The following INSIG1 variants were observed in gnomAD, a reference collection of about 807,000 sequenced individuals.
INSIG1 encodes the protein insulin-induced gene 1 protein.
Under a neutral mutation model 26.5 loss-of-function variants are expected in INSIG1, and 14 were observed. That is an observed-to-expected ratio of 0.53 (90% CI 0.35 to 0.83). The LOEUF is 0.83. Among genes scored for constraint, INSIG1 ranks in the 40% least tolerant of loss-of-function variants. The pLI is 0.01. For synonymous variants in INSIG1, 147 were observed against 153.3 expected, an observed-to-expected ratio of 0.96 and a Z score of 0.30; for missense variants, 272 against 368.9, an observed-to-expected ratio of 0.74 and a Z score of 2.15.
In INSIG1 at chr7:155,308,738, T is replaced by TAA. The variant is rs11323287; in HGVS notation, c.*478_*479dup. 3.7e-4 allele frequency: 55 copies of TAA among 150,224 alleles called. No homozygotes were observed. Among genetic ancestry groups the TAA allele is most frequent in the South Asian group, 1.4e-3 (7 of 4,980 alleles). The allele number at this position is 150,224 out of a possible 1,614,324, so 9.3% of individuals were successfully genotyped here. On this transcript the variant is annotated 3_prime_UTR_variant, in exon 6 of 6. Coordinates refer to ENST00000340368, the MANE Select transcript of INSIG1 (RefSeq NM_005542.6). ...AGATTTTTAAAAATAGGGCTGTGTTTAAAAAAAAAAACAAAACAAGAAAAG... is the reference window on the plus strand; with the variant it reads ...AGATTTTTAAAAATAGGGCTGTGTTTAAAAAAAAAAAAACAAAACAAGAAAAG...
chr7:155,298,056 T>C (rs1378935643), intron 1 of INSIG1, 97 bp downstream of exon 1: 4 of 395,010 alleles, frequency 1.0e-5, no homozygotes, highest in Non-Finnish European at 1.3e-5. Flanking sequence ...TGTTGGGTCT[T>C]TGGGACGCGG....
chr7:155,302,299 C>A lies in INSIG1; in HGVS notation c.586C>A (p.Leu196Ile). The A allele has an allele frequency of 3.1e-6, 5 of 1,604,220 alleles. No homozygotes were observed. Among genetic ancestry groups the A allele is most frequent in the Non-Finnish European group, 4.3e-6 (5 of 1,175,894 alleles). ...NVQLSLTLAALSLGLWWTFDR... is the reference protein window; with the variant it reads ...NVQLSLTLAAISLGLWWTFDR... ...CCAGCTGTCCTTGACTTTAGCAGCCCTATCTTTGGGCCTTTGGTGGACATT... is the reference window on the plus strand; with the variant it reads ...CCAGCTGTCCTTGACTTTAGCAGCCATATCTTTGGGCCTTTGGTGGACATT... The change falls in exon 4 of 6, where the codon CTA (leucine) becomes ATA (isoleucine). Residue 196 changes from leucine (L) to isoleucine (I), a missense_variant. Around this residue, in one of 2 missense-constraint regions of INSIG1, gnomAD observed 111 missense variants for 189.8 expected, o/e 0.58. Coordinates refer to ENST00000340368, the MANE Select transcript of INSIG1 (RefSeq NM_005542.6). The surrounding 1 kb of genome is among the most constrained non-coding windows in gnomAD (Gnocchi z 4.3).
chr7:155,309,287 A>G lies in INSIG1; in HGVS notation c.*1017A>G, dbSNP rs1425691926. The G allele has an allele frequency of 6.6e-6, 1 of 152,604 alleles. No homozygotes were observed. The highest frequency in any genetic ancestry group is 2.4e-5 in the African/African-American group (1 of 41,406). The allele number at this position is 152,604 out of a possible 1,614,324, so 9.5% of individuals were successfully genotyped here. A position where few individuals can be genotyped will look rare whatever the true frequency, so the allele number is the denominator to read the frequency against. On this transcript the variant is annotated 3_prime_UTR_variant, in exon 6 of 6. Coordinates refer to ENST00000340368, the MANE Select transcript of INSIG1 (RefSeq NM_005542.6). ...ACCTAATTTGCAAGTATTGGGTCTT[A>G]AACTTCAAGTGCAATGTATATGAAA...
rs550488561 is a variant in INSIG1, at chr7:155,308,553, T to C, written c.*283T>C. ...AGGCAGGTGGCAGCTTCCCAAGTAT[T>C]CGATTTCATTCATGTGATTAAAACA... On this transcript the variant is annotated 3_prime_UTR_variant, in exon 6 of 6. Transcript: ENST00000340368. The C allele has an allele frequency of 2.3e-6, 1 of 439,894 alleles. No individual in the cohort carries two copies. The highest frequency in any genetic ancestry group is 3.4e-5 in the East Asian group (1 of 29,182). 27.2% of individuals were successfully genotyped at this position (439,894 alleles called of 1,614,324 possible).
At chr7:155,306,811 C>T (rs1339672007) in intron 5 of INSIG1, among the ~76,000 whole-genome samples, 7 of 144,344 alleles carry the variant, frequency 4.8e-5, no homozygotes, top group Admixed American at 2.0e-4. Flanking sequence ...ACACATAGCT[C>T]GCACCTGCCT....
At chr7:155,307,429 T>A (rs534516651) in intron 5 of INSIG1, among the ~76,000 whole-genome samples, 12 of 152,264 alleles carry the variant, frequency 7.9e-5, no homozygotes, top group African/African-American at 2.4e-4. Context: ...GGGAAAAAAA[T>A]TCTGTATGGA....
At chr7:155,304,154 T>G (rs950738531) in intron 5 of INSIG1, among the ~76,000 whole-genome samples, 5 of 152,102 alleles carry the variant, frequency 3.3e-5, no homozygotes, top group Admixed American at 6.5e-5. Context: ...TGTGGAGATG[T>G]TATCTCCCTG....
chr7:155,301,469 G>T, intron 2 of INSIG1, 97 bp from the exon 3 acceptor site: 1 of 1,101,758 alleles, frequency 9.1e-7, no homozygotes, highest in South Asian at 2.6e-5. Context: ...CTAGGAAAAG[G>T]ACTGGTTTGA....
In INSIG1 at chr7:155,298,656, C is replaced by T. The variant is rs1797700610; in HGVS notation, c.371C>T (p.Ser124Phe). The T allele has an allele frequency of 1.2e-6, 2 of 1,612,810 alleles. No individual in the cohort carries two copies. Among genetic ancestry groups the T allele is most frequent in the African/African-American group, 1.3e-5 (1 of 74,952 alleles). ...FPEEVIATIF[S>F]SAWWVPPCCG... ...GAGGAGGTGATCGCCACCATCTTTT[C>T]CTCCGCCTGGTGGGTCCCTCCCTGC... The change falls in exon 2 of 6, where the codon TCC becomes TTC. Residue 124 changes from serine (S) to phenylalanine (F), a missense_variant. Physicochemically the swap from Ser to Phe is radical, Grantham distance 155. Around this residue, in one of 2 missense-constraint regions of INSIG1, gnomAD observed 161 missense variants for 179.2 expected, o/e 0.90. Coordinates refer to ENST00000340368, the MANE Select transcript of INSIG1 (RefSeq NM_005542.6).
intron 2 of INSIG1, among the ~76,000 whole-genome samples, chr7:155,300,713 A>G (rs1797760372): frequency 6.6e-6 from 1 of 152,206 alleles, no homozygotes; most frequent in Non-Finnish European, 1.5e-5. Context: ...GTCTATAAAG[A>G]ATAACTATTC....
rs150728476 is a variant in INSIG1 at position 155,301,756 on chromosome 7, T to G, written c.537+66T>G. 6.1e-4 allele frequency: 852 copies of G among 1,394,776 alleles called. 5 individuals are homozygous for G. The African/African-American group carries it at 0.011, about 18-fold the overall frequency. The allele number at this position is 1,394,776 out of a possible 1,614,324, so 86.4% of individuals were successfully genotyped here. On this transcript the variant is annotated intron_variant, in intron 3 of 5. Transcript: ENST00000340368. ...AGGTTATATATTGAAGCGTTTTGTT[T>G]TGTTATATACTCAAATGACTCCATG...
In INSIG1 at chr7:155,302,214, G is replaced by T; in HGVS notation, c.538-37G>T. ...GTTTTACGTTTTTTTATCTTAATAA[G>T]AGTCAGCAAACTTTTCCTTAACTTT... On this transcript the variant is annotated intron_variant, in intron 3 of 5. Transcript: ENST00000340368. This position sits in a 1 kb window ranked among gnomAD's most constrained non-coding sequence, Gnocchi z 4.3. The T allele has an allele frequency of 1.3e-6, 2 of 1,513,776 alleles. No homozygotes were observed. The highest frequency in any genetic ancestry group is 1.8e-6 in the Non-Finnish European group (2 of 1,129,550). The allele number at this position is 1,513,776 out of a possible 1,614,324, so 93.8% of individuals were successfully genotyped here. A position where few individuals can be genotyped will look rare whatever the true frequency, so the allele number is the denominator to read the frequency against.
At chr7:155,306,992 G>C (rs578089387) in intron 5 of INSIG1, among the ~76,000 whole-genome samples, 1 of 152,190 alleles carries the variant, frequency 6.6e-6, no homozygotes, top group Non-Finnish European at 1.5e-5. Flanking sequence ...GGCCTCTGTC[G>C]ACCAGGGATT....
At chr7:155,298,152 T>C (rs935986478) in intron 1 of INSIG1, 107 bp from the exon 2 acceptor site, 1 of 993,776 alleles carries the variant, frequency 1.0e-6, no homozygotes, top group African/African-American at 1.7e-5. Flanking sequence ...GGGTCTAACC[T>C]TGGGGGGCGG....
rs754634418 is a variant in INSIG1, at chr7:155,301,690, T to G, written c.537T>G (p.Ala179=). The G allele has an allele frequency of 6.4e-7, 1 of 1,558,640 alleles. No homozygotes were observed. The highest frequency in any genetic ancestry group is 1.4e-5 in the African/African-American group (1 of 73,938). The change falls in exon 3 of 6, where the codon GCT becomes GCG. Residue 179 remains alanine, a splice_region_variant and synonymous_variant. Coordinates refer to ENST00000340368, the MANE Select transcript of INSIG1 (RefSeq NM_005542.6). ...TTGTTGGCATTAACCACGCCAGTGC[T>G]GTATCCTTAATTTTCTGTGCTACGT... is the stretch of plus-strand genomic sequence containing the variant. ...AVFVGINHAS[A]KLDFANNVQL...
Position 155,302,434 on chromosome 7 carries a change from A to C in INSIG1, c.704+17A>C. ...TGTCTATCAGTAAGTGTGTGTTTTC[A>C]AATATTGGCTTTGGAAAGCTTACTT... On this transcript the variant is annotated intron_variant, in intron 4 of 5. Transcript: ENST00000340368. This position sits in a 1 kb window ranked among gnomAD's most constrained non-coding sequence, Gnocchi z 4.3. 6.4e-7 allele frequency: 1 copy of C among 1,556,146 alleles called. No homozygotes were observed. The highest frequency in any genetic ancestry group is 8.7e-7 in the Non-Finnish European group (1 of 1,152,610).
rs1210954558 is a variant in INSIG1 at position 155,308,256 on chromosome 7, C to T, written c.820C>T (p.Pro274Ser). 2 of 1,604,596 alleles carry T rather than the reference C, an allele frequency of 1.2e-6. No homozygotes were observed. Among genetic ancestry groups the T allele is most frequent in the Non-Finnish European group, 8.5e-7 (1 of 1,171,904 alleles). Residue 274 changes from proline to serine, a missense_variant, in exon 6 of 6, where the codon CCC (proline) becomes TCC (serine). Pro to Ser is a moderately conservative substitution (Grantham distance 74, BLOSUM62 -1). Around this residue, in one of 2 missense-constraint regions of INSIG1, gnomAD observed 111 missense variants for 189.8 expected, o/e 0.58. Transcript: ENST00000340368. ...CTACACATAGGGTGTTCCTGAAAAG[C>T]CCCATAGTGATTGAGTCTTCAAAAC... Reference protein sequence around the residue: ...RQLAMGVPEKPHSD With the variant: ...RQLAMGVPEKSHSD
At position 155,303,728 on chromosome 7, in the gene INSIG1, A is replaced by C. The variant is rs986515148; in HGVS notation, c.804+882A>C. The C allele has an allele frequency of 6.0e-6, 3 of 498,278 alleles. No homozygotes were observed. In the African/African-American group the frequency reaches 6.2e-5, roughly 10 times the overall value. The allele number at this position is 498,278 out of a possible 1,614,324, so 30.9% of individuals were successfully genotyped here. On this transcript the variant is annotated intron_variant, in intron 5 of 5. Coordinates refer to ENST00000340368, the MANE Select transcript of INSIG1 (RefSeq NM_005542.6). ...GAAAGAAAGTAAATTAAAAAAAACA[A>C]CAAAAACCTAGAGCTGTTGCTCTCG...
Position 155,308,399 on chromosome 7 carries a change from G to A in INSIG1, c.*129G>A, listed in dbSNP as rs751324483. On this transcript the variant is annotated 3_prime_UTR_variant, in exon 6 of 6. Transcript: ENST00000340368. ...CGGGCTGACTGTACAAATGACTCCT[G>A]GAAAAAACTCTTCACCTAGTCTAGA... 9.0e-7 allele frequency: 1 copy of A among 1,113,800 alleles called. No homozygotes were observed. The highest frequency in any genetic ancestry group is 1.3e-5 in the South Asian group (1 of 79,768). 69.0% of individuals were successfully genotyped at this position (1,113,800 alleles called of 1,614,324 possible). A position where few individuals can be genotyped will look rare whatever the true frequency, so the allele number is the denominator to read the frequency against.
Sources: allele counts gnomAD v4.1 joint callset (sites outside exome capture counted in the v4.1 genomes callset), GRCh38; gene constraint gnomAD v4.1.1; regional missense constraint gnomAD v4.1.1; non-coding constraint Gnocchi (gnomAD v3.1); transcripts MANE v1.5; gene names NCBI Gene and HGNC (gene_info 2026-07-23, HGNC 2026-07-21).